Variants in CIMIP2A observed in about 807,000 individuals in gnomAD.
CIMIP2A encodes family with sequence similarity 166 member A.
chr9:137,247,636 A>G, the CIMIP2A span: 2 of 1,610,154 alleles, frequency 1.2e-6, no homozygotes, highest in Middle Eastern at 1.7e-4. Flanking sequence ...GGCCCCAGCC[A>G]CCTCCAGAGC....
At chr9:137,251,162 G>A in the CIMIP2A span, 2 of 773,678 alleles carry the variant, frequency 2.6e-6, no homozygotes, top group South Asian at 1.4e-5. Context: ...CAGGGGTCGG[G>A]GCCCGGGGCA....
At chr9:137,252,774 T>G in the CIMIP2A span, 1 of 1,562,032 alleles carries the variant, frequency 6.4e-7, no homozygotes, top group Admixed American at 1.9e-5. Context: ...CACCTAGGGC[T>G]GCCTGGGGCT....
chr9:137,254,284 C>T, the CIMIP2A span, among the ~76,000 whole-genome samples: 1 of 152,388 alleles, frequency 6.6e-6, no homozygotes, highest in Non-Finnish European at 1.5e-5. Context: ...TGCCACCGAA[C>T]CAGCTGGGGG....
the CIMIP2A span, chr9:137,251,481 G>A: frequency 3.4e-6 from 4 of 1,165,156 alleles, no homozygotes; most frequent in South Asian, 5.5e-5. Context: ...AGGTTGCTGG[G>A]CAGGCGGCTG....
At chr9:137,248,625 G>A in the CIMIP2A span, among the ~76,000 whole-genome samples, 46 of 152,186 alleles carry the variant, frequency 3.0e-4, no homozygotes, top group Middle Eastern at 3.4e-3. Flanking sequence ...TTCGGAGGCC[G>A]AGGCAGGATG....
At chr9:137,254,256 G>A in the CIMIP2A span, among the ~76,000 whole-genome samples, 1 of 152,258 alleles carries the variant, frequency 6.6e-6, no homozygotes, top group African/African-American at 2.4e-5. Flanking sequence ...TGTGTGTGCT[G>A]TGACCCTTGT....
At chr9:137,252,396 T>G in the CIMIP2A span, 1 of 1,582,152 alleles carries the variant, frequency 6.3e-7, no homozygotes, top group Non-Finnish European at 8.6e-7. Context: ...GTCACCTGGG[T>G]GGGGCTCCCA....
At chr9:137,252,472 T>A in the CIMIP2A span, 2 of 1,611,120 alleles carry the variant, frequency 1.2e-6, no homozygotes, top group Non-Finnish European at 1.7e-6. Flanking sequence ...GACTTTGTGG[T>A]TCCAGAGCGA....
chr9:137,249,763 A>G, the CIMIP2A span, among the ~76,000 whole-genome samples: 123,807 of 152,184 alleles, frequency 0.81, 51,105 homozygotes, highest in East Asian at 1. Context: ...TGGAAGCGCC[A>G]GCCCCTCCCC....
chr9:137,251,939 G>C, the CIMIP2A span: 4 of 1,596,024 alleles, frequency 2.5e-6, no homozygotes, highest in Non-Finnish European at 2.6e-6. Flanking sequence ...CTGGTCTTTG[G>C]GGGGCTGTGG....
the CIMIP2A span, chr9:137,244,826 A>T: frequency 6.4e-7 from 1 of 1,573,886 alleles, no homozygotes; most frequent in East Asian, 2.3e-5. Flanking sequence ...CAGGGAAGCC[A>T]GGCAAGGCTC....
the CIMIP2A span, chr9:137,244,260 A>C: frequency 1.2e-6 from 2 of 1,613,818 alleles, no homozygotes; most frequent in Non-Finnish European, 1.7e-6. Context: ...CTTCTCGCCC[A>C]GGTCACAGTG....
At chr9:137,253,561 T>G in the CIMIP2A span, 1 of 1,334,912 alleles carries the variant, frequency 7.5e-7, no homozygotes, top group Non-Finnish European at 9.8e-7. Flanking sequence ...CATTTCCGGC[T>G]TTCCCTGTTG....
At chr9:137,253,386 TG>T in the CIMIP2A span, 36 of 1,509,952 alleles carry the variant, frequency 2.4e-5, no homozygotes, top group Admixed American at 3.6e-4. Flanking sequence ...CCCTTCTGGC[TG>T]GCCAACCCTT....
At chr9:137,244,160 ACT>A in the CIMIP2A span, 3 of 1,613,058 alleles carry the variant, frequency 1.9e-6, no homozygotes, top group Non-Finnish European at 1.7e-6. Flanking sequence ...GACCCTGCCC[ACT>A]CTACTCACCG....
At chr9:137,255,117 G>C in the CIMIP2A span, 1 of 161,674 alleles carries the variant, frequency 6.2e-6, no homozygotes, top group East Asian at 1.8e-4. Context: ...GACGGACCCT[G>C]AGTCCGCCCC....
chr9:137,245,205 TG>T, the CIMIP2A span: 1 of 1,581,058 alleles, frequency 6.3e-7, no homozygotes, highest in Non-Finnish European at 8.6e-7. Flanking sequence ...CTCATCCCTC[TG>T]GCAGTGGTAC....
chr9:137,245,274 A>G, the CIMIP2A span: 3 of 1,574,424 alleles, frequency 1.9e-6, no homozygotes, highest in Non-Finnish European at 2.6e-6. Flanking sequence ...GGCTGAGCGG[A>G]ATGGGCTTGG....
At chr9:137,244,266 C>T in the CIMIP2A span, 10 of 1,613,700 alleles carry the variant, frequency 6.2e-6, no homozygotes, top group African/African-American at 1.3e-5. Context: ...GCCCAGGTCA[C>T]AGTGGGGGTT....
Sources: allele counts gnomAD v4.1 joint callset (sites outside exome capture counted in the v4.1 genomes callset), GRCh38; gene constraint gnomAD v4.1.1; transcripts MANE v1.5; gene names NCBI Gene and HGNC (gene_info 2026-07-23, HGNC 2026-07-21).